The following CACNA1B variants were observed in gnomAD, a reference collection of about 807,000 sequenced individuals.
The protein encoded by CACNA1B is voltage-dependent N-type calcium channel subunit alpha-1B.
Under a neutral mutation model 247.2 loss-of-function variants are expected in CACNA1B, and 70 were observed. The observed-to-expected ratio is 0.28, with a 90% CI of 0.23 to 0.35. The LOEUF is 0.35. Ranked by LOEUF, CACNA1B falls within the 10% of genes least tolerant of loss-of-function variation. The probability of loss-of-function intolerance (pLI) is 1.00; values close to 1 mark genes in which losing one functional copy is unlikely to be tolerated. For synonymous variants in CACNA1B, 1,231 were observed against 1,294.4 expected (o/e 0.95, Z 1.05); for missense variants, 2,367 against 3,197.4 (o/e 0.74, Z 6.26).
chr9:138,079,092 G>T (rs1960426366), intron 36 of CACNA1B, among the ~76,000 whole-genome samples: 1 of 152,220 alleles, frequency 6.6e-6, no homozygotes, highest in African/African-American at 2.4e-5. Flanking sequence ...GCTTAGTGCA[G>T]TGACCTGCGT....
chr9:138,049,116 A>G, intron 23 of CACNA1B, 93 bp from the exon 24 acceptor site: 1 of 847,020 alleles, frequency 1.2e-6, no homozygotes, highest in South Asian at 1.4e-5. Flanking sequence ...CAGCCTCCCC[A>G]AGTGCTGAGA....
chr9:138,008,046 T>C (rs993289399), intron 16 of CACNA1B, among the ~76,000 whole-genome samples: 6 of 152,164 alleles, frequency 3.9e-5, no homozygotes, highest in African/African-American at 1.4e-4. Flanking sequence ...CAGGGCCTGG[T>C]CCCCAGAGTG....
chr9:137,964,621 G>GCTAACA, intron 10 of CACNA1B, among the ~76,000 whole-genome samples: 1 of 152,204 alleles, frequency 6.6e-6, no homozygotes, highest in East Asian at 1.9e-4. Flanking sequence ...TAGCTTCTTT[G>GCTAACA]CATTGGGTTA....
intron 10 of CACNA1B, among the ~76,000 whole-genome samples, chr9:137,960,231 GCC>G (rs1554738928): frequency 1.2e-3 from 24 of 20,166 alleles, no homozygotes; most frequent in East Asian, 1.5e-3. Context: ...CCGGAGGGAA[GCC>G]GGGAGAGGGG....
intron 15 of CACNA1B, among the ~76,000 whole-genome samples, chr9:137,988,011 G>A (rs1344384257): frequency 2.6e-5 from 4 of 152,184 alleles, no homozygotes; most frequent in Non-Finnish European, 4.4e-5. Flanking sequence ...CTTATTCCTC[G>A]AGTGGGAGGC....
At chr9:138,069,846 TC>T in intron 32 of CACNA1B, 83 bp downstream of exon 32, 1 of 1,189,854 alleles carries the variant, frequency 8.4e-7, no homozygotes. Context: ...TTCCTGGGAC[TC>T]CAGCCCACTG....
chr9:137,900,191 C>T (rs1224517599), intron 3 of CACNA1B, among the ~76,000 whole-genome samples: 1 of 152,136 alleles, frequency 6.6e-6, no homozygotes, highest in Admixed American at 6.5e-5. Flanking sequence ...CCCCCCTGGC[C>T]CACGCGGAGG....
rs144769195 is a variant in CACNA1B, at chr9:138,087,572, G to A, written c.5095-8912G>A. The stretch of plus-strand genomic sequence containing the variant: ...TCTACTAAAAATACAAAAATTAGCC[G>A]TGTGTGGTAGCACGCGCCTGTAGTC... On this transcript the variant is annotated intron_variant, in intron 36 of 46. Coordinates refer to ENST00000371372, the MANE Select transcript of CACNA1B (RefSeq NM_000718.4). 3.4e-4 allele frequency among the ~76,000 whole-genome samples: 51 copies of A among 150,708 alleles called. 6 individuals are homozygous for A. In the East Asian group the frequency reaches 8.7e-3, roughly 26 times the overall value.
intron 31 of CACNA1B, among the ~76,000 whole-genome samples, chr9:138,069,158 G>A (rs1299008626): frequency 1.3e-5 from 2 of 152,152 alleles, no homozygotes; most frequent in South Asian, 2.1e-4. Context: ...GTGTGGACTG[G>A]TGGTGCTTTG....
Position 137,894,385 on chromosome 9 carries a change from G to A in CACNA1B, c.530+11502G>A, listed in dbSNP as rs535239053. On this transcript the variant is annotated intron_variant, in intron 3 of 46. Transcript: ENST00000371372. ...GATCTGCATTTCCATGATATTGGAC[G>A]TCTTTTCATGTGGTTCTCTGCCATC... Among the ~76,000 whole-genome samples the A allele has an allele frequency of 5.4e-5, 8 of 147,670 alleles. No individual in the cohort carries two copies. The South Asian group carries it at 1.5e-3, about 28-fold the overall frequency.
rs1957930247 is a variant in CACNA1B at position 137,954,999 on chromosome 9, A to G, written c.1071-699A>G. Among the ~76,000 whole-genome samples, 2 of 151,656 alleles carry G rather than the reference A, an allele frequency of 1.3e-5. No individual in the cohort carries two copies. The highest frequency in any genetic ancestry group is 1.3e-4 in the Admixed American group (2 of 15,204). ...GCTGGGCTGGGGATGCTGAGCTGGA[A>G]GGGCAAGTGTTCTCTGCTGGTCACC... On this transcript the variant is annotated intron_variant, in intron 7 of 46. Coordinates refer to ENST00000371372, the MANE Select transcript of CACNA1B (RefSeq NM_000718.4). This position sits in a 1 kb window ranked among gnomAD's most constrained non-coding sequence, Gnocchi z 4.1.
intron 10 of CACNA1B, among the ~76,000 whole-genome samples, chr9:137,970,561 G>A (rs1211022924): frequency 6.6e-6 from 1 of 152,204 alleles, no homozygotes; most frequent in Non-Finnish European, 1.5e-5. Context: ...GTGACAGGTG[G>A]TGATGTGGTC....
Position 137,952,240 on chromosome 9 carries a change from C to A in CACNA1B, c.967-34C>A. ...CTGTGGCCGGGACTGTGTTTTGTCCCTGTCCTTCCTCATCTCCCTCTCCTT... is the reference window on the plus strand; with the variant it reads ...CTGTGGCCGGGACTGTGTTTTGTCCATGTCCTTCCTCATCTCCCTCTCCTT... On this transcript the variant is annotated intron_variant, in intron 6 of 46. Transcript: ENST00000371372. The surrounding 1 kb of genome is among the most constrained non-coding windows in gnomAD (Gnocchi z 4.8). 1.9e-6 allele frequency: 3 copies of A among 1,568,416 alleles called. No individual in the cohort carries two copies. Among genetic ancestry groups the A allele is most frequent in the Non-Finnish European group, 2.6e-6 (3 of 1,138,812 alleles).
intron 45 of CACNA1B, 68 bp from the exon 46 acceptor site, chr9:138,120,563 C>T (rs1962050544): frequency 2.8e-6 from 4 of 1,450,216 alleles, no homozygotes; most frequent in Non-Finnish European, 3.6e-6. Context: ...TTCTGTCCTG[C>T]TGGGCCCGGG....
chr9:137,966,562 G>A (rs1387644345), intron 10 of CACNA1B, among the ~76,000 whole-genome samples: 4 of 123,654 alleles, frequency 3.2e-5, no homozygotes, highest in Non-Finnish European at 5.1e-5. Context: ...TTAATGAGAC[G>A]GAGTCTTGCT....
Position 138,043,078 on chromosome 9 carries a change from A to C in CACNA1B, c.3287-696A>C, listed in dbSNP as rs527986900. Among the ~76,000 whole-genome samples, 3 of 152,342 alleles carry C rather than the reference A, an allele frequency of 2.0e-5. No homozygotes were observed. The East Asian group carries it at 5.8e-4, about 29-fold the overall frequency. On this transcript the variant is annotated intron_variant, in intron 20 of 46. Transcript: ENST00000371372. ...GAGAAAAACACTGGGCAGGGACAAC[A>C]AAATTTACCTAAAAAAACAAGGTGG...
intron 12 of CACNA1B, among the ~76,000 whole-genome samples, chr9:137,980,988 C>G (rs192506315): frequency 2.6e-5 from 4 of 152,086 alleles, no homozygotes; most frequent in Admixed American, 1.3e-4. Context: ...TTTGGTAGAA[C>G]GAGTTATAGT....
At chr9:137,981,139 C>T (rs148773524) in intron 12 of CACNA1B, among the ~76,000 whole-genome samples, 48 of 152,304 alleles carry the variant, frequency 3.2e-4, no homozygotes, top group African/African-American at 5.1e-4. Context: ...TCCGTAGCTT[C>T]GCCAACATCT....
At chr9:138,016,150 A>C (rs1958789544) in intron 18 of CACNA1B, among the ~76,000 whole-genome samples, 1 of 152,072 alleles carries the variant, frequency 6.6e-6, no homozygotes, top group Admixed American at 6.5e-5. Flanking sequence ...ATACACACAT[A>C]ATCTCACACA....
Sources: gnomAD v4.1 joint callset for allele counts (sites outside exome capture counted in the v4.1 genomes callset) on GRCh38, gnomAD v4.1.1 for gene constraint, Gnocchi (gnomAD v3.1) non-coding constraint, MANE v1.5 for transcripts, NCBI Gene and HGNC (gene_info 2026-07-23, HGNC 2026-07-21) for gene names.